Variants in ARSH observed in about 807,000 individuals in gnomAD.
ARSH encodes arylsulfatase H.
A neutral mutation model predicts 28.7 loss-of-function variants in ARSH; 32 were observed. The ratio of observed to expected loss-of-function variants is 1.11; its 90% CI spans 0.84 to 1.50. ARSH has a LOEUF of 1.50. Ranked by LOEUF, ARSH falls within the 40% of genes most tolerant of loss-of-function variation. ARSH has a pLI of 0.00. For synonymous variants in ARSH, 176 were observed against 177.3 expected (o/e 0.99, Z 0.06); for missense variants, 440 against 452.4 (o/e 0.97, Z 0.25).
At chrX:3,010,786 G>A (rs1603463304) in intron 2 of ARSH, among the ~76,000 whole-genome samples, 1 of 111,692 alleles carries the variant, frequency 9.0e-6, no homozygotes, top group East Asian at 2.8e-4. Flanking sequence ...AAGTGTTCAT[G>A]GTTATCAGAC....
At chrX:3,018,779 CTGAA>C in intron 5 of ARSH, 109 bp downstream of exon 5, 1 of 820,965 alleles carries the variant, frequency 1.2e-6, no homozygotes, top group Non-Finnish European at 1.7e-6. Flanking sequence ...GCATAGATAC[CTGAA>C]AAGTATCTGT....
At position 3,016,821 on chromosome X, in the gene ARSH, C is replaced by T. The variant is rs370851020; in HGVS notation, c.764+1428C>T. Among the ~76,000 whole-genome samples, 60 of 111,188 alleles carry T rather than the reference C, an allele frequency of 5.4e-4. 1 individual carries two copies. In the South Asian group the frequency reaches 0.019, roughly 35 times the overall value. ...CTGGTCTCGAACTCCTGGGTTCAAG[C>T]GATCCTCCTGCCTTGACCTCCCAAA... On this transcript the variant is annotated intron_variant, in intron 4 of 8. Coordinates refer to ENST00000381130, the MANE Select transcript of ARSH (RefSeq NM_001011719.2).
intron 1 of ARSH, among the ~76,000 whole-genome samples, chrX:3,009,604 C>T (rs2089840597): frequency 9.0e-6 from 1 of 111,038 alleles, no homozygotes; most frequent in South Asian, 3.8e-4. Context: ...TTGCAGTGAG[C>T]TATAACTGCA....
intron 6 of ARSH, among the ~76,000 whole-genome samples, chrX:3,027,104 C>T (rs1285277059): frequency 9.0e-6 from 1 of 110,898 alleles, no homozygotes; most frequent in Non-Finnish European, 1.9e-5. Flanking sequence ...ATTACAGGCG[C>T]CCACCACCAT....
intron 5 of ARSH, among the ~76,000 whole-genome samples, chrX:3,019,264 CA>C (rs146298584): frequency 0.13 from 9,013 of 69,370 alleles, 456 homozygotes; most frequent in African/African-American, 0.21. Context: ...GATTCTGTTT[CA>C]AAAAAAAAAA....
chrX:3,014,937 T>G (rs1407624136), intron 3 of ARSH, 33 bp from the exon 4 acceptor site: 1 of 1,180,435 alleles, frequency 8.5e-7, no homozygotes, highest in African/African-American at 1.8e-5. Flanking sequence ...AATGCTGCCA[T>G]GCTGCCATGG....
chrX:3,010,616 T>C (rs1366277963), intron 2 of ARSH, among the ~76,000 whole-genome samples: 1 of 112,344 alleles, frequency 8.9e-6, no homozygotes. Context: ...ACCCCATCAT[T>C]TCAAGATTTA....
chrX:3,010,983 A>G (rs2089845030), intron 2 of ARSH, among the ~76,000 whole-genome samples: 1 of 111,810 alleles, frequency 8.9e-6, no homozygotes, highest in South Asian at 3.7e-4. Flanking sequence ...TAGGTTAATG[A>G]GAATTATACT....
At chrX:3,010,264 C>G in intron 2 of ARSH, 113 bp downstream of exon 2, 1 of 974,258 alleles carries the variant, frequency 1.0e-6, no homozygotes. Context: ...TATTAGGGAT[C>G]TAAATTCAAA....
chrX:3,015,094 G>C lies in ARSH; in HGVS notation c.465G>C (p.Lys155Asn). ...TTTTAAGCGACTGCCAGGCATCCAA[G>C]ACACCAGAACTGCACCGCTGGCTCA... Reference protein sequence around the residue: ...FGLLSDCQASKTPELHRWLRI... With the variant: ...FGLLSDCQASNTPELHRWLRI... The change falls in exon 4 of 9, where the codon AAG (lysine) becomes AAC (asparagine). Residue 155 changes from lysine to asparagine, a missense_variant. Coordinates refer to ENST00000381130, the MANE Select transcript of ARSH (RefSeq NM_001011719.2). The C allele has an allele frequency of 8.3e-7, 1 of 1,210,677 alleles. No individual in the cohort carries two copies. The highest frequency in any genetic ancestry group is 1.1e-6 in the Non-Finnish European group (1 of 895,017).
At chrX:3,031,613 A>G (rs1379897618) in intron 8 of ARSH, among the ~76,000 whole-genome samples, 1 of 111,448 alleles carries the variant, frequency 9.0e-6, no homozygotes, top group African/African-American at 3.3e-5. Flanking sequence ...ATAGTCCCAC[A>G]TAAAACAATT....
chrX:3,024,595 C>G (rs1372794604), intron 6 of ARSH, among the ~76,000 whole-genome samples: 1 of 111,718 alleles, frequency 9.0e-6, no homozygotes, highest in Non-Finnish European at 1.9e-5. Flanking sequence ...AAGGTCATTT[C>G]TAAGTGAGAA....
chrX:3,022,312 T>C (rs1291763249), intron 5 of ARSH, among the ~76,000 whole-genome samples: 2 of 112,175 alleles, frequency 1.8e-5, no homozygotes, highest in Admixed American at 1.9e-4. Flanking sequence ...CATATAATTA[T>C]GCTGTTCCCA....
chrX:3,033,594 AT>A lies in ARSH; in HGVS notation c.*216del, dbSNP rs751829033. The A allele has an allele frequency of 9.0e-4, 308 of 341,274 alleles. 9 individuals are homozygous for A. In the South Asian group the frequency reaches 0.021, roughly 24 times the overall value. The allele number at this position is 341,274 out of a possible 1,213,427, so 28.1% of individuals were successfully genotyped here. A position where few individuals can be genotyped will look rare whatever the true frequency, so the allele number is the denominator to read the frequency against. ...CCTGGAGGGGAGCATTTGTTGTATA[AT>A]TTTTTTCTAGTATATAATTGTGCCA... On this transcript the variant is annotated 3_prime_UTR_variant, in exon 9 of 9. Coordinates refer to ENST00000381130, the MANE Select transcript of ARSH (RefSeq NM_001011719.2).
chrX:3,020,812 T>C (rs892376373), intron 5 of ARSH, among the ~76,000 whole-genome samples: 2 of 110,676 alleles, frequency 1.8e-5, no homozygotes, highest in East Asian at 5.7e-4. Context: ...GGGATGTGTA[T>C]GTGTGTGTAT....
intron 6 of ARSH, 109 bp downstream of exon 6, chrX:3,024,264 GT>G: frequency 1.3e-6 from 1 of 786,758 alleles, no homozygotes; most frequent in Non-Finnish European, 1.7e-6. Flanking sequence ...TTTGATGTGA[GT>G]TAGACTCTTA....
intron 5 of ARSH, among the ~76,000 whole-genome samples, chrX:3,023,057 A>G (rs1422234879): frequency 9.3e-6 from 1 of 107,828 alleles, no homozygotes; most frequent in Non-Finnish European, 1.9e-5. Flanking sequence ...AAAATAATGA[A>G]CACATTATAC....
chrX:3,031,994 A>G (rs936332474), intron 8 of ARSH, among the ~76,000 whole-genome samples: 2 of 112,009 alleles, frequency 1.8e-5, no homozygotes, highest in Non-Finnish European at 3.8e-5. Context: ...CAAAGGCGGT[A>G]AAGAATCCAG....
intron 2 of ARSH, among the ~76,000 whole-genome samples, chrX:3,011,685 G>A (rs189954222): frequency 5.4e-4 from 60 of 111,867 alleles, no homozygotes; most frequent in African/African-American, 1.7e-3. Context: ...TGACACAAAC[G>A]GTTCAGTTTA....
Sources: allele counts gnomAD v4.1 joint callset (sites outside exome capture counted in the v4.1 genomes callset), GRCh38; gene constraint gnomAD v4.1.1; transcripts MANE v1.5; gene names NCBI Gene and HGNC (gene_info 2026-07-23, HGNC 2026-07-21).